Variants in PPCDC observed in about 807,000 individuals in gnomAD.
The protein encoded by PPCDC is phosphopantothenoylcysteine decarboxylase.
PPCDC carries 20 observed loss-of-function variants against 20.7 expected under a neutral mutation model. The observed-to-expected ratio is 0.97, with a 90% CI of 0.68 to 1.41. The LOEUF is 1.41. PPCDC is among the 40% of genes most tolerant of loss of function. The pLI is 0.00. For missense variants in PPCDC, 246 were observed against 263.8 expected (o/e 0.93, Z 0.47); for synonymous variants, 88 against 100.3 (o/e 0.88, Z 0.73).
At chr15:75,039,211 G>T (rs992196620) in intron 2 of PPCDC, among the ~76,000 whole-genome samples, 2 of 152,192 alleles carry the variant, frequency 1.3e-5, no homozygotes, top group Non-Finnish European at 2.9e-5. Context: ...GTATTGAAAT[G>T]TTTTGTTGGT....
At chr15:75,025,203 A>T (rs2065947060) in intron 1 of PPCDC, among the ~76,000 whole-genome samples, 1 of 152,170 alleles carries the variant, frequency 6.6e-6, no homozygotes, top group Non-Finnish European at 1.5e-5. Context: ...TGTAAGCTGG[A>T]GCAGAAGCCT....
chr15:75,037,767 A>G (rs548222917), intron 2 of PPCDC, among the ~76,000 whole-genome samples: 1 of 152,236 alleles, frequency 6.6e-6, no homozygotes, highest in African/African-American at 2.4e-5. Context: ...TTTAACAAAG[A>G]AATGGGGGGA....
chr15:75,041,019 A>G (rs2066146667), intron 2 of PPCDC, among the ~76,000 whole-genome samples: 3 of 152,130 alleles, frequency 2.0e-5, no homozygotes, highest in Admixed American at 2.0e-4. Context: ...CTCCTTTCGT[A>G]TCCTTTATGT....
chr15:75,026,691 C>G (rs1218912865), intron 1 of PPCDC, among the ~76,000 whole-genome samples: 2 of 152,226 alleles, frequency 1.3e-5, no homozygotes, highest in Non-Finnish European at 2.9e-5. Flanking sequence ...GCGCTGCTTC[C>G]TGGGCAGCTG....
intron 1 of PPCDC, among the ~76,000 whole-genome samples, chr15:75,024,720 T>C (rs1316510545): frequency 6.6e-6 from 1 of 151,624 alleles, no homozygotes; most frequent in Non-Finnish European, 1.5e-5. Context: ...TCTCCCAGGC[T>C]GGAGTGTAGT....
chr15:75,035,538 AG>A (rs2066074505), intron 2 of PPCDC, among the ~76,000 whole-genome samples: 1 of 152,250 alleles, frequency 6.6e-6, no homozygotes, highest in African/African-American at 2.4e-5. Context: ...AAAGGAAACT[AG>A]ACTTGCCAAC....
At position 75,023,624 on chromosome 15, in the gene PPCDC, C is replaced by T. The variant is rs1314086406; in HGVS notation, c.-75C>T. 1.3e-5 allele frequency: 2 copies of T among 152,302 alleles called. No homozygotes were observed. The highest frequency in any genetic ancestry group is 1.3e-4 in the Admixed American group (2 of 15,276). 9.4% of individuals were successfully genotyped at this position (152,302 alleles called of 1,614,324 possible). ...GAGCGGCCCCGAGACGCGCCTGGCG[C>T]GGGTGAGCAGTGGAAGGGGGCTGGG... On this transcript the variant is annotated splice_region_variant and 5_prime_UTR_variant, in exon 1 of 6. Transcript: ENST00000342932.
chr15:75,030,712 C>G (rs2066010618), intron 2 of PPCDC, among the ~76,000 whole-genome samples: 1 of 152,166 alleles, frequency 6.6e-6, no homozygotes, highest in Admixed American at 6.5e-5. Context: ...CCTGCTGAGT[C>G]GTGGGTTCAG....
At chr15:75,035,985 G>GA (rs1029976841) in intron 2 of PPCDC, among the ~76,000 whole-genome samples, 1 of 143,708 alleles carries the variant, frequency 7.0e-6, no homozygotes, top group African/African-American at 2.5e-5. Flanking sequence ...AAAAAAAAAG[G>GA]AAAAAAACTT....
chr15:75,036,601 C>CT (rs2066087743), intron 2 of PPCDC, among the ~76,000 whole-genome samples: 1 of 152,058 alleles, frequency 6.6e-6, no homozygotes, highest in African/African-American at 2.4e-5. Context: ...AGTGGAGCCT[C>CT]TGAGAGGTTA....
chr15:75,037,656 A>G (rs890572070), intron 2 of PPCDC, among the ~76,000 whole-genome samples: 1 of 152,204 alleles, frequency 6.6e-6, no homozygotes, highest in Non-Finnish European at 1.5e-5. Flanking sequence ...CTGAGGCAGG[A>G]GAATTCCTTG....
intron 2 of PPCDC, among the ~76,000 whole-genome samples, chr15:75,033,514 TG>T (rs368210364): frequency 6.8e-6 from 1 of 145,990 alleles, no homozygotes; most frequent in Non-Finnish European, 1.5e-5. Flanking sequence ...TGTGTGTGTG[TG>T]TTTTTTTGTT....
At chr15:75,036,761 G>A (rs963114276) in intron 2 of PPCDC, among the ~76,000 whole-genome samples, 2 of 152,102 alleles carry the variant, frequency 1.3e-5, no homozygotes, top group African/African-American at 4.8e-5. Context: ...TGAGAGGGAG[G>A]CGAGAACCCC....
rs149045526 is a variant in PPCDC, at chr15:75,040,848, A to C, written c.136-2593A>C. 1.5e-3 allele frequency among the ~76,000 whole-genome samples: 227 copies of C among 151,692 alleles called. 2 individuals are homozygous for C. The highest frequency in any genetic ancestry group is 5.3e-3 in the African/African-American group (221 of 41,352). On this transcript the variant is annotated intron_variant, in intron 2 of 5. Transcript: ENST00000342932. ...TGGCTAATTTTTGTATTTTTTGTAGAGATGGGGGTCTCACCATGTTGCCCA... is the reference window on the plus strand; with the variant it reads ...TGGCTAATTTTTGTATTTTTTGTAGCGATGGGGGTCTCACCATGTTGCCCA...
chr15:75,043,242 C>T, intron 2 of PPCDC, 199 bp from the exon 3 acceptor site: 1 of 529,586 alleles, frequency 1.9e-6, no homozygotes, highest in Non-Finnish European at 3.3e-6. Context: ...AACAGCCACA[C>T]CTGATAGGGC....
At chr15:75,036,411 T>C (rs571074036) in intron 2 of PPCDC, among the ~76,000 whole-genome samples, 2 of 152,342 alleles carry the variant, frequency 1.3e-5, no homozygotes, top group Non-Finnish European at 2.9e-5. Flanking sequence ...CTGGGCCTGC[T>C]AGACAGCACT....
Position 75,047,290 on chromosome 15 carries a change from A to C in PPCDC, c.361-1263A>C, listed in dbSNP as rs529202896. Among the ~76,000 whole-genome samples the C allele has an allele frequency of 5.4e-3, 822 of 152,350 alleles. 6 individuals are homozygous for C. Among genetic ancestry groups the C allele is most frequent in the African/African-American group, 0.019 (790 of 41,582 alleles). Reference sequence around the variant, plus strand: ...GAAGTGTGACTGAAACTGTCCACTCATAGCCCGGCTGCCGTATTGAGAGGG... The same window carrying C: ...GAAGTGTGACTGAAACTGTCCACTCCTAGCCCGGCTGCCGTATTGAGAGGG... On this transcript the variant is annotated intron_variant, in intron 4 of 5. Transcript: ENST00000342932.
chr15:75,037,555 TGGCCAACATG>T (rs1479416870), intron 2 of PPCDC, among the ~76,000 whole-genome samples: 1 of 152,104 alleles, frequency 6.6e-6, no homozygotes, highest in Non-Finnish European at 1.5e-5. Flanking sequence ...GAGACCAGCC[TGGCCAACATG>T]GTGAAATCCT....
rs2065983465 is a variant in PPCDC, at chr15:75,028,442, G to A, written c.124G>A (p.Asp42Asn). The A allele has an allele frequency of 6.2e-7, 1 of 1,614,112 alleles. No individual in the cohort carries two copies. The highest frequency in any genetic ancestry group is 1.1e-5 in the South Asian group (1 of 91,086). Residue 42 changes from aspartate to asparagine, a missense_variant, in exon 2 of 6, where the codon GAC (aspartate) becomes AAC (asparagine). Physicochemically the swap from Asp to Asn is conservative, Grantham distance 23 (BLOSUM62 1). Coordinates refer to ENST00000342932, the MANE Select transcript of PPCDC (RefSeq NM_021823.5). ...GCCTCTTCTGGTGTCAAAGCTTTTG[G>A]ACATTCCTGGGGTGAGTATCCTCAC... ...KLPLLVSKLLDIPGLEVAVVT... is the reference protein window; with the variant it reads ...KLPLLVSKLLNIPGLEVAVVT...
Sources: allele counts gnomAD v4.1 joint callset (sites outside exome capture counted in the v4.1 genomes callset), GRCh38; gene constraint gnomAD v4.1.1; transcripts MANE v1.5; gene names NCBI Gene and HGNC (gene_info 2026-07-23, HGNC 2026-07-21).